TMEM232: variants seen among roughly 807,000 people sequenced by gnomAD.
TMEM232 encodes the protein transmembrane protein 232.
TMEM232 carries 80 observed loss-of-function variants against 78.8 expected under a neutral mutation model. The observed-to-expected ratio is 1.01, with a 90% CI of 0.85 to 1.22. TMEM232 has a LOEUF of 1.22. TMEM232 is among the 50% of genes most tolerant of loss of function. TMEM232 has a pLI of 0.00. For synonymous variants in TMEM232, 297 were observed against 254.3 expected, an observed-to-expected ratio of 1.17 and a Z score of -1.60; for missense variants, 881 against 742.2, an observed-to-expected ratio of 1.19 and a Z score of -2.17.
chr5:110,389,133 T>C (rs1328894080), intron 4 of TMEM232, among the ~76,000 whole-genome samples: 1 of 152,090 alleles, frequency 6.6e-6, no homozygotes, highest in African/African-American at 2.4e-5. Flanking sequence ...AGTTGGCACA[T>C]GCCTGTTATC....
rs79658436 is a variant in TMEM232, at chr5:110,640,384, C to T, written c.343+507G>A. Among the ~76,000 whole-genome samples the T allele has an allele frequency of 1.5e-3, 225 of 151,434 alleles. 4 individuals are homozygous for T. The East Asian group carries it at 0.04, about 27-fold the overall frequency. ...ATGATAGTGATGGAAAGAATTTTACCCCCTTAGAAATAACGTTGTTTAATT... is the reference window on the plus strand; with the variant it reads ...ATGATAGTGATGGAAAGAATTTTACTCCCTTAGAAATAACGTTGTTTAATT... On this transcript the variant is annotated intron_variant, in intron 4 of 13. Coordinates refer to ENST00000455884, the MANE Select transcript of TMEM232 (RefSeq NM_001039763.4).
intron 12 of TMEM232, among the ~76,000 whole-genome samples, chr5:110,471,272 G>GAACA (rs1001848959): frequency 1.1e-4 from 16 of 152,182 alleles, no homozygotes; most frequent in Admixed American, 3.3e-4. Flanking sequence ...AGCATTAAAT[G>GAACA]AACAAACATT....
chr5:110,644,204 T>G (rs1354612980), intron 2 of TMEM232, among the ~76,000 whole-genome samples: 1 of 151,926 alleles, frequency 6.6e-6, no homozygotes, highest in East Asian at 1.9e-4. Context: ...AGATATTTGG[T>G]GAACACTGGC....
At chr5:110,707,071 T>A (rs1245753208) in intron 1 of TMEM232, among the ~76,000 whole-genome samples, 2 of 152,058 alleles carry the variant, frequency 1.3e-5, no homozygotes, top group Non-Finnish European at 2.9e-5. Flanking sequence ...CCAAATAAAA[T>A]TGTAAAAGTG....
chr5:110,427,509 G>A (rs544853520), intron 12 of TMEM232, among the ~76,000 whole-genome samples: 2 of 152,060 alleles, frequency 1.3e-5, no homozygotes, highest in South Asian at 4.1e-4. Context: ...ACAGTAGAGA[G>A]AGACTTTTCA....
chr5:110,678,543 C>T (rs1292764498), intron 1 of TMEM232, among the ~76,000 whole-genome samples: 1 of 152,068 alleles, frequency 6.6e-6, no homozygotes, highest in Non-Finnish European at 1.5e-5. Context: ...ACCCAAAGTC[C>T]ATAGTTTACA....
At chr5:110,424,151 T>C (rs1210010608) in intron 13 of TMEM232, among the ~76,000 whole-genome samples, 1 of 152,080 alleles carries the variant, frequency 6.6e-6, no homozygotes, top group African/African-American at 2.4e-5. Flanking sequence ...TTAAAAGTAG[T>C]GTGAAAAAAT....
intron 12 of TMEM232, among the ~76,000 whole-genome samples, chr5:110,442,712 G>A (rs74998394): frequency 0.031 from 4,761 of 152,076 alleles, 237 homozygotes; most frequent in East Asian, 0.21. Flanking sequence ...GCATTGAAAA[G>A]TTGGGTATTT....
At chr5:110,709,088 T>C (rs1796221583) in intron 1 of TMEM232, among the ~76,000 whole-genome samples, 1 of 152,114 alleles carries the variant, frequency 6.6e-6, no homozygotes, top group South Asian at 2.1e-4. Context: ...TTGCTATACT[T>C]ATTTAAACAA....
chr5:110,491,857 T>G (rs1765129017), intron 12 of TMEM232, among the ~76,000 whole-genome samples: 1 of 151,826 alleles, frequency 6.6e-6, no homozygotes, highest in Non-Finnish European at 1.5e-5. Context: ...TAAGTAATAC[T>G]ATGAAGGAAA....
chr5:110,625,730 A>T (rs1784346283), intron 6 of TMEM232: 1 of 178,066 alleles, frequency 5.6e-6, no homozygotes, highest in African/African-American at 2.4e-5. Flanking sequence ...AGATGAAAAT[A>T]AATCAAGCTA....
chr5:110,602,261 G>C (rs60200664), intron 10 of TMEM232, among the ~76,000 whole-genome samples: 2 of 151,774 alleles, frequency 1.3e-5, no homozygotes, highest in Non-Finnish European at 2.9e-5. Context: ...CTAAAACACC[G>C]AAAGCAATGG....
chr5:110,408,614 CA>C (rs1264864584), intron 2 of TMEM232, among the ~76,000 whole-genome samples: 1 of 150,790 alleles, frequency 6.6e-6, no homozygotes. Context: ...AACAGAGACC[CA>C]AAAAAACCAA....
At chr5:110,738,926 G>C, upstream of TMEM232, 1 of 1,397,412 alleles carries the variant, frequency 7.2e-7, no homozygotes, top group South Asian at 1.5e-5. Flanking sequence ...CCTAGCAACC[G>C]TGCCCTTTAA....
chr5:110,643,768 G>A (rs1420024068), intron 2 of TMEM232, among the ~76,000 whole-genome samples: 2 of 151,972 alleles, frequency 1.3e-5, no homozygotes, highest in South Asian at 2.1e-4. Flanking sequence ...GTAATTCACA[G>A]TCCTACTGGG....
intron 12 of TMEM232, among the ~76,000 whole-genome samples, chr5:110,485,349 A>T (rs1764347206): frequency 6.6e-6 from 1 of 152,060 alleles, no homozygotes; most frequent in African/African-American, 2.4e-5. Context: ...TACAGGTGGT[A>T]TTTGGTTACA....
chr5:110,708,586 G>A (rs1175792620), intron 1 of TMEM232, among the ~76,000 whole-genome samples: 2 of 6,954 alleles, frequency 2.9e-4, no homozygotes, highest in Non-Finnish European at 2.4e-3. Context: ...GGTGGATGAA[G>A]TTAAAAAGAG....
chr5:110,683,224 G>T (rs1792967407), intron 1 of TMEM232, among the ~76,000 whole-genome samples: 1 of 151,860 alleles, frequency 6.6e-6, no homozygotes, highest in Non-Finnish European at 1.5e-5. Context: ...AAAATGTGTG[G>T]GTTTAATTGA....
chr5:110,672,840 T>C (rs1561491729), intron 1 of TMEM232, among the ~76,000 whole-genome samples: 1 of 152,062 alleles, frequency 6.6e-6, no homozygotes, highest in African/African-American at 2.4e-5. Flanking sequence ...GTTATTATTA[T>C]TATTATTATT....
Sources: gnomAD v4.1 joint callset for allele counts (sites outside exome capture counted in the v4.1 genomes callset) on GRCh38, gnomAD v4.1.1 for gene constraint, MANE v1.5 for transcripts, NCBI Gene and HGNC (gene_info 2026-07-23, HGNC 2026-07-21) for gene names.